Variants in VPS35L observed in about 807,000 individuals in gnomAD.
The protein encoded by VPS35L is VPS35 endosomal protein sorting factor like.
Under a neutral mutation model 133.0 loss-of-function variants are expected in VPS35L, and 83 were observed. The ratio of observed to expected loss-of-function variants is 0.62; its 90% confidence interval spans 0.52 to 0.75. The LOEUF is 0.75. Among genes scored for constraint, VPS35L ranks in the 30% least tolerant of loss-of-function variants. The pLI is 0.00. For synonymous variants in VPS35L, 423 were observed against 449.9 expected, an observed-to-expected ratio of 0.94 and a Z score of 0.76; for missense variants, 1,083 against 1,206.8, an observed-to-expected ratio of 0.90 and a Z score of 1.52.
At chr16:19,679,666 G>A (rs1176503660) in intron 27 of VPS35L, among the ~76,000 whole-genome samples, 6 of 151,682 alleles carry the variant, frequency 4.0e-5, no homozygotes, top group East Asian at 1.9e-4. Context: ...CACCACACCC[G>A]GCTAATTTTT....
intron 3 of VPS35L, among the ~76,000 whole-genome samples, chr16:19,569,797 T>C (rs1488353221): frequency 6.6e-6 from 1 of 150,772 alleles, no homozygotes; most frequent in African/African-American, 2.4e-5. Context: ...CCCTCCTGAA[T>C]AGCTGGGATT....
intron 26 of VPS35L, among the ~76,000 whole-genome samples, chr16:19,666,959 C>CCTTTCTTCCTTTCTTCCTTT (rs1974705959): frequency 8.7e-6 from 1 of 115,072 alleles, no homozygotes; most frequent in African/African-American, 3.7e-5. Flanking sequence ...TTCCTTTCTT[C>CCTTTCTTCCTTTCTTCCTTT]CTTTCTTCCT....
intron 26 of VPS35L, among the ~76,000 whole-genome samples, chr16:19,656,963 T>G (rs71384421): frequency 5.3e-5 from 3 of 56,570 alleles, no homozygotes; most frequent in Non-Finnish European, 1.1e-4. Flanking sequence ...AAAGAACTTG[T>G]TTTTTTTTTT....
intron 26 of VPS35L, among the ~76,000 whole-genome samples, chr16:19,662,232 C>T (rs569693259): frequency 5.9e-5 from 9 of 151,878 alleles, no homozygotes; most frequent in South Asian, 2.1e-4. Context: ...AGGCCAGGCA[C>T]GGTGGCTCAT....
intron 29 of VPS35L, among the ~76,000 whole-genome samples, chr16:19,696,197 A>G (rs1975904901): frequency 6.6e-6 from 1 of 152,088 alleles, no homozygotes; most frequent in Non-Finnish European, 1.5e-5. Flanking sequence ...CTTTGTTTTA[A>G]TGGTGCAATT....
intron 15 of VPS35L, 50 bp from the exon 16 acceptor site, chr16:19,627,644 A>T (rs1208330297): frequency 7.9e-6 from 11 of 1,394,782 alleles, no homozygotes; most frequent in Non-Finnish European, 1.1e-5. Context: ...AAATTAAAGC[A>T]ACTTTGATTG....
At chr16:19,668,337 T>C (rs1284583725) in intron 26 of VPS35L, among the ~76,000 whole-genome samples, 1 of 152,136 alleles carries the variant, frequency 6.6e-6, no homozygotes, top group East Asian at 1.9e-4. Flanking sequence ...TTTCTCACGG[T>C]CAATACCTTG....
At chr16:19,621,116 G>C (rs938384082) in intron 14 of VPS35L, among the ~76,000 whole-genome samples, 1 of 152,082 alleles carries the variant, frequency 6.6e-6, no homozygotes, top group East Asian at 1.9e-4. Flanking sequence ...ACATGGAGAA[G>C]AGAGGGCCAT....
At chr16:19,691,843 TAGA>T (rs754652770) in intron 29 of VPS35L, among the ~76,000 whole-genome samples, 7 of 151,762 alleles carry the variant, frequency 4.6e-5, no homozygotes, top group African/African-American at 7.3e-5. Flanking sequence ...GCTCCCTGAC[TAGA>T]ATGTAAGCTC....
At chr16:19,615,383 C>G (rs1006735294) in intron 12 of VPS35L, among the ~76,000 whole-genome samples, 2 of 152,200 alleles carry the variant, frequency 1.3e-5, no homozygotes, top group Admixed American at 1.3e-4. Flanking sequence ...GGCGTGGTGG[C>G]TCACACCTGT....
Position 19,608,073 on chromosome 16 carries a change from C to T in VPS35L, c.785-105C>T, listed in dbSNP as rs1048764032. 2.4e-5 allele frequency: 19 copies of T among 779,090 alleles called. No individual in the cohort carries two copies. In the South Asian group the frequency reaches 2.8e-4, roughly 11 times the overall value. 48.3% of individuals were successfully genotyped at this position (779,090 alleles called of 1,614,324 possible). A position where few individuals can be genotyped will look rare whatever the true frequency, so the allele number is the denominator to read the frequency against. ...TGATATTTGGAAGGAAAGAAACAGGCTGAGTCACCCCCTTTTCTGCTCCAG... is the reference window on the plus strand; with the variant it reads ...TGATATTTGGAAGGAAAGAAACAGGTTGAGTCACCCCCTTTTCTGCTCCAG... On this transcript the variant is annotated intron_variant, in intron 9 of 30. Coordinates refer to ENST00000417362, the MANE Select transcript of VPS35L (RefSeq NM_020314.7).
At chr16:19,646,053 T>G (rs1567451870) in intron 23 of VPS35L, among the ~76,000 whole-genome samples, 3 of 152,120 alleles carry the variant, frequency 2.0e-5, no homozygotes, top group African/African-American at 7.2e-5. Flanking sequence ...GTGTTGGGAT[T>G]ACAGGCCTGA....
At chr16:19,597,444 T>C (rs1457928873) in intron 8 of VPS35L, among the ~76,000 whole-genome samples, 1 of 151,532 alleles carries the variant, frequency 6.6e-6, no homozygotes, top group Non-Finnish European at 1.5e-5. Context: ...TAAGGAGACA[T>C]TAAAATGATA....
chr16:19,581,847 ATGTGCAGCTGCACAGGT>A, intron 7 of VPS35L, 194 bp downstream of exon 7: 1 of 674,252 alleles, frequency 1.5e-6, no homozygotes. Flanking sequence ...CAGGGTTACC[ATGTGCAGCTGCACAGGT>A]TGTGCACTGC....
At chr16:19,671,022 A>C (rs975237318) in intron 27 of VPS35L, among the ~76,000 whole-genome samples, 5 of 152,240 alleles carry the variant, frequency 3.3e-5, no homozygotes, top group Non-Finnish European at 7.3e-5. Context: ...AAAGCACAGC[A>C]GTTATTAAGC....
rs181243360 is a variant in VPS35L, at chr16:19,650,289, C to T, written c.2029-93C>T. The T allele has an allele frequency of 4.3e-4, 447 of 1,039,088 alleles. 3 individuals are homozygous for T. The African/African-American group carries it at 6.3e-3, about 15-fold the overall frequency. The allele number at this position is 1,039,088 out of a possible 1,614,324, so 64.4% of individuals were successfully genotyped here. On this transcript the variant is annotated intron_variant, in intron 24 of 30. Coordinates refer to ENST00000417362, the MANE Select transcript of VPS35L (RefSeq NM_020314.7). ...GTCCTAGAAAGCTTGTTCTCATTGACCTGTATGTAGTTAATGTTGAGATCT... is the reference window on the plus strand; with the variant it reads ...GTCCTAGAAAGCTTGTTCTCATTGATCTGTATGTAGTTAATGTTGAGATCT...
At chr16:19,625,728 C>T (rs1303732943) in intron 14 of VPS35L, among the ~76,000 whole-genome samples, 1 of 152,100 alleles carries the variant, frequency 6.6e-6, no homozygotes, top group Non-Finnish European at 1.5e-5. Context: ...GGCTGGAGTG[C>T]AGTGGCATGA....
intron 27 of VPS35L, among the ~76,000 whole-genome samples, chr16:19,673,613 TTTGAG>T (rs762955955): frequency 7.4e-4 from 112 of 152,324 alleles, no homozygotes; most frequent in Non-Finnish European, 1.1e-3. Context: ...CTTGAACAGA[TTTGAG>T]TTATTTTTCC....
chr16:19,577,167 T>C (rs905672241), intron 5 of VPS35L, among the ~76,000 whole-genome samples: 8 of 152,208 alleles, frequency 5.3e-5, no homozygotes, highest in African/African-American at 1.9e-4. Context: ...GAGGTTTACT[T>C]GACTTATGGT....
Sources: allele counts gnomAD v4.1 joint callset (sites outside exome capture counted in the v4.1 genomes callset), GRCh38; gene constraint gnomAD v4.1.1; transcripts MANE v1.5; gene names NCBI Gene and HGNC (gene_info 2026-07-23, HGNC 2026-07-21).